Variants in CCDC3 observed in about 807,000 individuals in gnomAD.
CCDC3 encodes coiled-coil domain-containing protein 3.
In CCDC3, 24 loss-of-function variants were observed where a neutral mutation model predicts 21.4. That is an observed-to-expected ratio of 1.12 (90% CI 0.81 to 1.58). CCDC3 has a LOEUF of 1.58. Ranked by LOEUF, CCDC3 falls within the 40% of genes most tolerant of loss-of-function variation. The pLI is 0.00. For synonymous variants in CCDC3, 186 were observed against 166.0 expected, an observed-to-expected ratio of 1.12 and a Z score of -0.93; for missense variants, 425 against 360.9, an observed-to-expected ratio of 1.18 and a Z score of -1.44.
chr10:13,069,211 T>C (rs1267863227), intron 4 of CCDC3, among the ~76,000 whole-genome samples: 10 of 152,196 alleles, frequency 6.6e-5, no homozygotes, highest in African/African-American at 1.7e-4. Flanking sequence ...GCCGAGATTG[T>C]GCCATTGCAC....
chr10:13,096,712 G>A (rs755250141), intron 3 of CCDC3, among the ~76,000 whole-genome samples: 3 of 152,210 alleles, frequency 2.0e-5, no homozygotes, highest in Non-Finnish European at 4.4e-5. Flanking sequence ...ACAAGCCTGG[G>A]CAGCAGAATC....
chr10:13,020,089 C>A lies in CCDC3; in HGVS notation c.-1-21577G>T, dbSNP rs531000232. On this transcript the variant is annotated intron_variant, in intron 5 of 6. Transcript: ENST00000378839. ...CTTGATACTAGGACCTTGGAAAATA[C>A]TTTGATTGGAATACAGATCCATTTT... is the stretch of plus-strand genomic sequence containing the variant. 6.6e-5 allele frequency among the ~76,000 whole-genome samples: 10 copies of A among 152,248 alleles called. 1 individual carries two copies. Among genetic ancestry groups the A allele is most frequent in the African/African-American group, 2.4e-4 (10 of 41,554 alleles).
intron 5 of CCDC3, among the ~76,000 whole-genome samples, chr10:13,024,226 G>T (rs1564324034): frequency 2.0e-5 from 3 of 147,976 alleles, no homozygotes; most frequent in Admixed American, 6.7e-5. Context: ...TCTTTCCTTA[G>T]TTTTTTTTTT....
intron 2 of CCDC3, among the ~76,000 whole-genome samples, chr10:12,919,046 A>AC: frequency 6.6e-6 from 1 of 152,102 alleles, no homozygotes; most frequent in South Asian, 2.1e-4. Context: ...ACAGAGCAAG[A>AC]CCCCATCTCG....
intron 2 of CCDC3, among the ~76,000 whole-genome samples, chr10:12,960,706 C>T (rs1046811152): frequency 5.3e-5 from 8 of 152,110 alleles, no homozygotes; most frequent in South Asian, 2.1e-4. Flanking sequence ...CTCAAGGCTG[C>T]GGGACCCTCC....
chr10:13,056,458 G>A (rs778598792), intron 4 of CCDC3, among the ~76,000 whole-genome samples: 1 of 152,196 alleles, frequency 6.6e-6, no homozygotes, highest in Non-Finnish European at 1.5e-5. Context: ...AAGCCCACTC[G>A]TCCGGAACCA....
chr10:13,083,847 T>C lies in CCDC3; in HGVS notation c.-502-9747A>G, dbSNP rs141103490. On this transcript the variant is annotated intron_variant, in intron 3 of 6. Coordinates refer to the CCDC3 transcript ENST00000378839. The stretch of plus-strand genomic sequence containing the variant: ...AAGCTGCGTAAGGGATAAAAATTGC[T>C]TCCCTCCTTTATTCAGGTGTGCTCT... Among the ~76,000 whole-genome samples, 74 of 152,348 alleles carry C rather than the reference T, an allele frequency of 4.9e-4. No homozygotes were observed. In the East Asian group the frequency reaches 0.011, roughly 23 times the overall value.
At chr10:12,978,231 C>T (rs929810708) in intron 2 of CCDC3, among the ~76,000 whole-genome samples, 1 of 151,976 alleles carries the variant, frequency 6.6e-6, no homozygotes, top group Non-Finnish European at 1.5e-5. Flanking sequence ...GTTGGTCAGG[C>T]TGGTCTCAAA....
chr10:13,010,539 A>T (rs759766770), intron 5 of CCDC3, among the ~76,000 whole-genome samples: 1 of 152,244 alleles, frequency 6.6e-6, no homozygotes, highest in African/African-American at 2.4e-5. Flanking sequence ...AAATGGTAAA[A>T]GCACTTTGGA....
chr10:12,969,334 A>C (rs900741703), intron 2 of CCDC3, among the ~76,000 whole-genome samples: 3 of 152,134 alleles, frequency 2.0e-5, no homozygotes, highest in Non-Finnish European at 2.9e-5. Flanking sequence ...AGAAAAGAGA[A>C]CCTTTGTAAC....
At chr10:13,058,428 G>A in intron 4 of CCDC3, 1 of 786,106 alleles carries the variant, frequency 1.3e-6, no homozygotes, top group Non-Finnish European at 2.3e-6. Flanking sequence ...CCGTATTTTG[G>A]CAGTTCGTGT....
intron 3 of CCDC3, among the ~76,000 whole-genome samples, chr10:13,088,213 G>A (rs993913845): frequency 2.0e-5 from 3 of 152,104 alleles, no homozygotes; most frequent in African/African-American, 4.8e-5. Flanking sequence ...TCACCATTGA[G>A]TCATTGTAAA....
intron 5 of CCDC3, among the ~76,000 whole-genome samples, chr10:13,029,943 C>A (rs559826905): frequency 6.6e-6 from 1 of 152,086 alleles, no homozygotes; most frequent in African/African-American, 2.4e-5. Flanking sequence ...GAGAACTTCC[C>A]CAACCTAGTA....
chr10:13,075,469 A>G (rs945872896), intron 3 of CCDC3, among the ~76,000 whole-genome samples: 3 of 151,804 alleles, frequency 2.0e-5, no homozygotes, highest in African/African-American at 7.3e-5. Context: ...TAGACGTCCC[A>G]GCCTGGGTAG....
intron 2 of CCDC3, among the ~76,000 whole-genome samples, chr10:12,980,552 G>A (rs1264615767): frequency 3.3e-5 from 5 of 152,168 alleles, no homozygotes; most frequent in Non-Finnish European, 7.3e-5. Context: ...GGGGGTGGAG[G>A]AAGAAAGGCT....
chr10:13,024,166 T>A (rs1836185759), intron 5 of CCDC3, among the ~76,000 whole-genome samples: 1 of 152,042 alleles, frequency 6.6e-6, no homozygotes. Flanking sequence ...GCTTACTTCC[T>A]CCCCATAGAA....
chr10:13,082,672 G>A (rs1837057249), intron 3 of CCDC3, among the ~76,000 whole-genome samples: 1 of 152,146 alleles, frequency 6.6e-6, no homozygotes, highest in South Asian at 2.1e-4. Context: ...CTAAGTAACG[G>A]TTGCCTTCCC....
At chr10:13,094,321 C>G (rs182956216) in intron 3 of CCDC3, among the ~76,000 whole-genome samples, 11 of 151,782 alleles carry the variant, frequency 7.2e-5, no homozygotes, top group Admixed American at 7.2e-4. Flanking sequence ...TGCAATGGCA[C>G]GATCTCGGCT....
intron 4 of CCDC3, among the ~76,000 whole-genome samples, chr10:13,064,456 G>A (rs1251140): frequency 0.14 from 21,216 of 152,162 alleles, 1,604 homozygotes; most frequent in Middle Eastern, 0.22. Flanking sequence ...TGCCAAGCTT[G>A]AGGACATGTG....
Sources: allele counts gnomAD v4.1 joint callset (sites outside exome capture counted in the v4.1 genomes callset), GRCh38; gene constraint gnomAD v4.1.1; transcripts MANE v1.5; gene names NCBI Gene and HGNC (gene_info 2026-07-23, HGNC 2026-07-21).